The following GSE1 variants were observed in gnomAD, a reference collection of about 807,000 sequenced individuals.
The protein encoded by GSE1 is genetic suppressor element 1.
GSE1 carries 32 observed loss-of-function variants against 112.6 expected under a neutral mutation model. The observed-to-expected ratio is 0.28, with a 90% CI of 0.21 to 0.38. The LOEUF is 0.38. Among genes scored for constraint, GSE1 ranks in the 10% least tolerant of loss-of-function variants. GSE1 has a pLI of 1.00. For synonymous variants in GSE1, 1,115 were observed against 735.6 expected, an observed-to-expected ratio of 1.52 and a Z score of -8.35; for missense variants, 2,348 against 1,699.2, an observed-to-expected ratio of 1.38 and a Z score of -6.71.
At chr16:85,385,411 C>T (rs943728702) in intron 2 of GSE1, among the ~76,000 whole-genome samples, 10 of 152,282 alleles carry the variant, frequency 6.6e-5, no homozygotes, top group East Asian at 5.8e-4. Context: ...GGGGGCCAGA[C>T]GCCTGGACAG....
At chr16:85,209,532 C>T (rs925681073) in intron 1 of GSE1, among the ~76,000 whole-genome samples, 2 of 151,914 alleles carry the variant, frequency 1.3e-5, no homozygotes, top group African/African-American at 2.4e-5. Context: ...CCATCACCAT[C>T]GCTGCCCCAC....
At chr16:85,477,717 T>C (rs1380989980) in intron 2 of GSE1, among the ~76,000 whole-genome samples, 3 of 151,938 alleles carry the variant, frequency 2.0e-5, no homozygotes, top group East Asian at 3.9e-4. Context: ...CCCGCCACCA[T>C]GCCCGGCTAA....
chr16:85,646,571 T>C (rs2050885968), intron 2 of GSE1, among the ~76,000 whole-genome samples: 1 of 152,154 alleles, frequency 6.6e-6, no homozygotes, highest in East Asian at 1.9e-4. Context: ...AGTTGGGTGC[T>C]GTGTGTGCCT....
intron 1 of GSE1, among the ~76,000 whole-genome samples, chr16:85,271,544 G>C (rs1908834847): frequency 6.6e-6 from 1 of 152,248 alleles, no homozygotes; most frequent in African/African-American, 2.4e-5. Context: ...ATCTGCCAAA[G>C]TGCGGGAGTG....
At chr16:85,279,377 G>A (rs1372373563) in intron 1 of GSE1, among the ~76,000 whole-genome samples, 1 of 152,222 alleles carries the variant, frequency 6.6e-6, no homozygotes, top group Admixed American at 6.5e-5. Flanking sequence ...GGAGGCCAAG[G>A]CAGCGGATCA....
At chr16:85,377,771 G>A (rs1393842093) in intron 2 of GSE1, among the ~76,000 whole-genome samples, 2 of 152,220 alleles carry the variant, frequency 1.3e-5, no homozygotes, top group African/African-American at 4.8e-5. Context: ...GTAAACATGG[G>A]CAGGGTTGCA....
At chr16:85,346,019 C>A (rs997276122) in intron 1 of GSE1, among the ~76,000 whole-genome samples, 5 of 149,912 alleles carry the variant, frequency 3.3e-5, no homozygotes, top group African/African-American at 1.2e-4. Flanking sequence ...GAGGGACAGG[C>A]AGTGGACAGA....
At chr16:85,352,411 C>T (rs2046868860) in intron 1 of GSE1, among the ~76,000 whole-genome samples, 1 of 152,184 alleles carries the variant, frequency 6.6e-6, no homozygotes, top group Admixed American at 6.5e-5. Context: ...CTGGCCAGTC[C>T]TCCGAGGCCC....
intron 7 of GSE1, 26 bp downstream of exon 7, chr16:85,656,691 T>C: frequency 1.4e-6 from 2 of 1,473,048 alleles, no homozygotes; most frequent in African/African-American, 1.4e-5. Context: ...TGGGCTGTGC[T>C]GGGCAAGGTC....
chr16:85,453,278 C>T (rs776419047), intron 2 of GSE1, among the ~76,000 whole-genome samples: 1 of 152,112 alleles, frequency 6.6e-6, no homozygotes, highest in Non-Finnish European at 1.5e-5. Context: ...CCCTGAGCAG[C>T]CCGCCCACCC....
intron 2 of GSE1, among the ~76,000 whole-genome samples, chr16:85,488,480 C>T (rs1316747945): frequency 1.3e-5 from 2 of 152,068 alleles, no homozygotes; most frequent in East Asian, 3.9e-4. Flanking sequence ...TGTTGCAAGT[C>T]TGGCTTATTC....
chr16:85,221,280 G>A (rs2075386798), intron 1 of GSE1, among the ~76,000 whole-genome samples: 1 of 151,810 alleles, frequency 6.6e-6, no homozygotes, highest in Non-Finnish European at 1.5e-5. Context: ...GTCAGCTGCA[G>A]GCTACTGGCC....
At chr16:85,296,247 G>A (rs753422902) in intron 1 of GSE1, among the ~76,000 whole-genome samples, 2 of 152,128 alleles carry the variant, frequency 1.3e-5, no homozygotes, top group Non-Finnish European at 2.9e-5. Flanking sequence ...CACCTCCCAC[G>A]CACGGCTCAT....
At chr16:85,502,628 G>A (rs1474503343) in intron 2 of GSE1, among the ~76,000 whole-genome samples, 2 of 152,240 alleles carry the variant, frequency 1.3e-5, no homozygotes, top group African/African-American at 4.8e-5. Context: ...CTCTGCTCTT[G>A]AGATCATGAG....
At chr16:85,254,962 C>T (rs892801192) in intron 1 of GSE1, among the ~76,000 whole-genome samples, 4 of 152,208 alleles carry the variant, frequency 2.6e-5, no homozygotes, top group Admixed American at 1.3e-4. Context: ...CTGTGTCCCC[C>T]GGTGATCCCC....
At chr16:85,292,421 C>T (rs980803325) in intron 1 of GSE1, among the ~76,000 whole-genome samples, 8 of 151,670 alleles carry the variant, frequency 5.3e-5, no homozygotes, top group East Asian at 3.9e-4. Context: ...CTCCGCCTCC[C>T]GGGTTCAAGC....
At chr16:85,450,341 C>A (rs892349712) in intron 2 of GSE1, among the ~76,000 whole-genome samples, 5 of 151,474 alleles carry the variant, frequency 3.3e-5, no homozygotes, top group Admixed American at 1.3e-4. Context: ...TGGTCTCGAA[C>A]TCCCGACTTC....
intron 1 of GSE1, among the ~76,000 whole-genome samples, chr16:85,197,192 T>G (rs759595023): frequency 1.4e-4 from 22 of 152,150 alleles, no homozygotes; most frequent in Middle Eastern, 6.8e-3. Context: ...GACGGGCAGT[T>G]CAGAACGGTG....
At chr16:85,374,316 AGT>A (rs1015450428) in intron 2 of GSE1, among the ~76,000 whole-genome samples, 1 of 144,972 alleles carries the variant, frequency 6.9e-6, no homozygotes, top group African/African-American at 2.6e-5. Flanking sequence ...CTCGGTGTGC[AGT>A]GTGTGTCAGT....
Sources: allele counts gnomAD v4.1 joint callset (sites outside exome capture counted in the v4.1 genomes callset), GRCh38; gene constraint gnomAD v4.1.1; transcripts MANE v1.5; gene names NCBI Gene and HGNC (gene_info 2026-07-23, HGNC 2026-07-21).